Variants in DNAJC1 observed in about 807,000 individuals in gnomAD.
DNAJC1 encodes the protein dnaJ homolog subfamily C member 1.
Under a neutral mutation model 76.6 loss-of-function variants are expected in DNAJC1, and 58 were observed. The observed-to-expected ratio is 0.76, with a 90% CI of 0.61 to 0.94. The LOEUF (loss-of-function observed/expected upper bound fraction) is 0.94. Among genes scored for constraint, DNAJC1 ranks in the 40% least tolerant of loss-of-function variants. The pLI, the probability that DNAJC1 is intolerant of heterozygous loss-of-function variation, is 0.00. For synonymous variants in DNAJC1, 258 were observed against 267.9 expected (o/e 0.96, Z 0.36); for missense variants, 689 against 677.3 (o/e 1.02, Z -0.19).
intron 9 of DNAJC1, among the ~76,000 whole-genome samples, chr10:21,785,882 T>C (rs911806174): frequency 8.5e-5 from 13 of 152,336 alleles, no homozygotes; most frequent in Middle Eastern, 3.4e-3. Context: ...CACAGTGATA[T>C]CTATAACTAG....
At chr10:21,853,882 T>C (rs904752743) in intron 8 of DNAJC1, among the ~76,000 whole-genome samples, 4 of 149,356 alleles carry the variant, frequency 2.7e-5, no homozygotes, top group Non-Finnish European at 5.9e-5. Flanking sequence ...TCAAAACTTA[T>C]CAAGTTAGCT....
chr10:21,924,788 C>T (rs981432177), intron 3 of DNAJC1, among the ~76,000 whole-genome samples: 1 of 152,144 alleles, frequency 6.6e-6, no homozygotes, highest in African/African-American at 2.4e-5. Context: ...TGTACTTACA[C>T]AAACCTATGT....
chr10:21,839,320 G>A (rs1157080338), intron 8 of DNAJC1, among the ~76,000 whole-genome samples: 2 of 152,084 alleles, frequency 1.3e-5, no homozygotes, highest in African/African-American at 2.4e-5. Flanking sequence ...GAGCTGGTTT[G>A]TTGAAAAGAT....
At chr10:21,958,941 C>G (rs1837740265) in intron 1 of DNAJC1, among the ~76,000 whole-genome samples, 1 of 152,074 alleles carries the variant, frequency 6.6e-6, no homozygotes, top group South Asian at 2.1e-4. Flanking sequence ...ACTTCCTACC[C>G]TTCCTTCTCT....
At chr10:21,883,254 AC>A (rs1836311790) in intron 7 of DNAJC1, among the ~76,000 whole-genome samples, 1 of 121,256 alleles carries the variant, frequency 8.2e-6, no homozygotes, top group African/African-American at 4.4e-5. Flanking sequence ...TATCTCAAAC[AC>A]ACACACACAC....
chr10:21,781,378 T>A (rs1053532350), intron 9 of DNAJC1, among the ~76,000 whole-genome samples: 1 of 152,138 alleles, frequency 6.6e-6, no homozygotes, highest in African/African-American at 2.4e-5. Flanking sequence ...ACAGAAATTA[T>A]AACAAACTGT....
chr10:21,936,023 T>G (rs1004799458), intron 1 of DNAJC1, among the ~76,000 whole-genome samples: 1 of 152,084 alleles, frequency 6.6e-6, no homozygotes, highest in African/African-American at 2.4e-5. Context: ...TAAAAAACAC[T>G]GGTAAAGATA....
At chr10:21,766,136 T>G (rs1021736510) in intron 10 of DNAJC1, 125 bp downstream of exon 10, 2 of 751,534 alleles carry the variant, frequency 2.7e-6, no homozygotes, top group East Asian at 4.9e-5. Context: ...TTTGGAGATA[T>G]GACCAGATTT....
chr10:21,954,570 T>C (rs184641038), intron 1 of DNAJC1, among the ~76,000 whole-genome samples: 7 of 152,354 alleles, frequency 4.6e-5, no homozygotes, highest in Admixed American at 6.5e-5. Flanking sequence ...GGCTGAAATA[T>C]AGAGTTAACT....
At chr10:21,908,193 T>C (rs1289041565) in intron 6 of DNAJC1, among the ~76,000 whole-genome samples, 5 of 101,348 alleles carry the variant, frequency 4.9e-5, no homozygotes, top group Non-Finnish European at 9.1e-5. Flanking sequence ...TAAAAATATA[T>C]ATTATATATA....
At chr10:21,999,048 T>C (rs891404632) in intron 1 of DNAJC1, among the ~76,000 whole-genome samples, 1 of 152,208 alleles carries the variant, frequency 6.6e-6, no homozygotes, top group Non-Finnish European at 1.5e-5. Context: ...AGTTATCTTA[T>C]ACCTGGTGGA....
chr10:21,904,550 C>A lies in DNAJC1; in HGVS notation c.792G>T (p.Leu264=). ...GAAGTGTTTCAAGTTCAGTTCTAGT[C>A]AGTGCATCTTCCTTTTCCTTCAATC... The part of the protein sequence containing the change: ...ETRLKEKEDA[L]TRTELETLQK... Residue 264 remains leucine (L), a synonymous_variant, in exon 7 of 12, where the codon CTG becomes CTT. Coordinates refer to ENST00000376980, the MANE Select transcript of DNAJC1 (RefSeq NM_022365.4). 6.2e-7 allele frequency: 1 copy of A among 1,603,946 alleles called. No homozygotes were observed. The highest frequency in any genetic ancestry group is 1.1e-5 in the South Asian group (1 of 88,516).
intron 1 of DNAJC1, among the ~76,000 whole-genome samples, chr10:21,985,653 T>G (rs868299752): frequency 1.3e-5 from 2 of 152,216 alleles, no homozygotes; most frequent in Non-Finnish European, 2.9e-5. Context: ...CTTAACATAA[T>G]GTTCTTGGAA....
At chr10:21,882,522 C>T in intron 7 of DNAJC1, 83 bp from the exon 8 acceptor site, 1 of 918,508 alleles carries the variant, frequency 1.1e-6, no homozygotes, top group Non-Finnish European at 1.5e-6. Context: ...AGACCATATC[C>T]TGAAAGAAAA....
intron 8 of DNAJC1, among the ~76,000 whole-genome samples, chr10:21,862,148 C>G (rs1307303945): frequency 3.9e-5 from 6 of 152,042 alleles, no homozygotes; most frequent in African/African-American, 1.4e-4. Flanking sequence ...GAACTCCCAA[C>G]CTCAGGTGAT....
chr10:21,989,374 T>G (rs1454833789), intron 1 of DNAJC1, among the ~76,000 whole-genome samples: 1 of 152,094 alleles, frequency 6.6e-6, no homozygotes, highest in African/African-American at 2.4e-5. Context: ...CATATAGCCA[T>G]GATCAAAAAC....
chr10:21,797,049 A>G (rs1834757421), intron 9 of DNAJC1, among the ~76,000 whole-genome samples: 1 of 152,102 alleles, frequency 6.6e-6, no homozygotes, highest in Admixed American at 6.6e-5. Flanking sequence ...GCTTTCTCCT[A>G]TATTTTCTTC....
intron 7 of DNAJC1, among the ~76,000 whole-genome samples, chr10:21,887,721 T>C (rs1324199791): frequency 1.3e-5 from 2 of 152,076 alleles, no homozygotes; most frequent in African/African-American, 4.8e-5. Context: ...CTTTACACCA[T>C]ACACAAAAAT....
intron 8 of DNAJC1, among the ~76,000 whole-genome samples, chr10:21,845,892 A>G (rs1835652043): frequency 6.6e-6 from 1 of 152,174 alleles, no homozygotes; most frequent in Non-Finnish European, 1.5e-5. Context: ...ATGAGTCTAT[A>G]TTAAATTTTA....
Sources: allele counts gnomAD v4.1 joint callset (sites outside exome capture counted in the v4.1 genomes callset), GRCh38; gene constraint gnomAD v4.1.1; transcripts MANE v1.5; gene names NCBI Gene and HGNC (gene_info 2026-07-23, HGNC 2026-07-21).